RIT2: variants seen among roughly 807,000 people sequenced by gnomAD.
The protein encoded by RIT2 is GTP-binding protein Rit2.
A neutral mutation model predicts 23.7 loss-of-function variants in RIT2; 24 were observed. The observed-to-expected ratio is 1.01, with a 90% CI of 0.73 to 1.43. The LOEUF is 1.43. RIT2 is among the 40% of genes most tolerant of loss of function. The pLI, the probability that RIT2 is intolerant of heterozygous loss-of-function variation, is 0.00. For synonymous variants in RIT2, 107 were observed against 91.1 expected, an observed-to-expected ratio of 1.17 and a Z score of -0.99; for missense variants, 236 against 266.9, an observed-to-expected ratio of 0.88 and a Z score of 0.81.
At chr18:43,007,928 G>A (rs1212121069) in intron 2 of RIT2, among the ~76,000 whole-genome samples, 2 of 151,454 alleles carry the variant, frequency 1.3e-5, no homozygotes, top group Non-Finnish European at 3.0e-5. Flanking sequence ...GATAGAGTTG[G>A]GATATCACCA....
intron 1 of RIT2, among the ~76,000 whole-genome samples, chr18:43,082,195 G>A (rs1913173129): frequency 1.3e-5 from 2 of 152,152 alleles, no homozygotes; most frequent in South Asian, 2.1e-4. Context: ...GGTGTTTATA[G>A]TATTCTGTAA....
At chr18:43,064,105 A>G (rs796891314) in intron 1 of RIT2, among the ~76,000 whole-genome samples, 6 of 152,344 alleles carry the variant, frequency 3.9e-5, no homozygotes, top group African/African-American at 1.4e-4. Context: ...AAGGTCTGAT[A>G]AAGTAATAGA....
chr18:42,854,790 C>T (rs1319694444), intron 4 of RIT2, among the ~76,000 whole-genome samples: 2 of 152,154 alleles, frequency 1.3e-5, no homozygotes, highest in Non-Finnish European at 2.9e-5. Flanking sequence ...AAGACCTTGG[C>T]CTTACTGTAT....
At chr18:43,008,781 G>T (rs1369958364) in intron 2 of RIT2, among the ~76,000 whole-genome samples, 1 of 151,432 alleles carries the variant, frequency 6.6e-6, no homozygotes, top group African/African-American at 2.4e-5. Flanking sequence ...TTTTAAAAAG[G>T]TTGTAATAGC....
intron 4 of RIT2, among the ~76,000 whole-genome samples, chr18:42,814,545 C>T (rs1046448881): frequency 1.3e-5 from 2 of 152,162 alleles, no homozygotes; most frequent in African/African-American, 4.8e-5. Flanking sequence ...CCCCCATCCC[C>T]CACAGCAGGT....
chr18:42,841,394 T>C (rs749175238), intron 4 of RIT2, among the ~76,000 whole-genome samples: 1 of 152,162 alleles, frequency 6.6e-6, no homozygotes, highest in Non-Finnish European at 1.5e-5. Context: ...AATCATAAAA[T>C]GTTACTGCTT....
Position 42,743,583 on chromosome 18 carries a change from T to C in RIT2, c.564A>G (p.Pro188=), listed in dbSNP as rs1912845483. 6.2e-7 allele frequency: 1 copy of C among 1,613,950 alleles called. No individual in the cohort carries two copies. Among genetic ancestry groups the C allele is most frequent in the African/African-American group, 1.3e-5 (1 of 74,924 alleles). ...TCTTCAGTTTCTTTTCCATCAAGGA[T>C]GGCATGGACTCCTTCTTGCGAATTT... ...VREIRKKESM[P]SLMEKKLKRK... Residue 188 remains proline, a synonymous_variant, in exon 5 of 5, where the codon CCA becomes CCG. Transcript: ENST00000326695.
At chr18:43,079,340 G>A (rs1163073097) in intron 1 of RIT2, among the ~76,000 whole-genome samples, 1 of 152,090 alleles carries the variant, frequency 6.6e-6, no homozygotes, top group Non-Finnish European at 1.5e-5. Flanking sequence ...CAAAGACTGA[G>A]CAGACAAATC....
At chr18:42,825,766 A>C (rs570810979) in intron 4 of RIT2, among the ~76,000 whole-genome samples, 69 of 151,968 alleles carry the variant, frequency 4.5e-4, no homozygotes, top group African/African-American at 1.5e-3. Context: ...TAAATGGATC[A>C]AAAAAATATA....
chr18:42,891,874 A>G (rs974093869), intron 4 of RIT2, among the ~76,000 whole-genome samples: 5 of 152,132 alleles, frequency 3.3e-5, no homozygotes, highest in Non-Finnish European at 7.4e-5. Context: ...AGTGAATCCA[A>G]TTATAGGACA....
At chr18:43,058,990 A>G (rs760551267) in intron 1 of RIT2, among the ~76,000 whole-genome samples, 6 of 141,168 alleles carry the variant, frequency 4.3e-5, no homozygotes, top group Non-Finnish European at 8.1e-5. Flanking sequence ...CTTGCTTCCA[A>G]TCTTCAACAT....
At position 42,819,842 on chromosome 18, in the gene RIT2, G is replaced by A. The variant is rs111829502; in HGVS notation, c.427-76122C>T. On this transcript the variant is annotated intron_variant, in intron 4 of 4. Transcript: ENST00000326695. ...TCTATGTGATACTAATGTGGGTAGA[G>A]TACAGTAGTTACCATACCTGGTTAC... 1.3e-3 allele frequency among the ~76,000 whole-genome samples: 193 copies of A among 152,238 alleles called. 1 individual carries two copies. Among genetic ancestry groups the A allele is most frequent in the African/African-American group, 4.2e-3 (176 of 41,562 alleles).
At chr18:43,058,918 A>G (rs1333907072) in intron 1 of RIT2, among the ~76,000 whole-genome samples, 1 of 151,988 alleles carries the variant, frequency 6.6e-6, no homozygotes, top group Non-Finnish European at 1.5e-5. Context: ...TTATTTTTCA[A>G]TACATTGAAC....
At position 42,989,021 on chromosome 18, in the gene RIT2, A is replaced by G. The variant is rs73475470; in HGVS notation, c.161-14874T>C. ...TGTTCCCCAAGCTTGCTGAATATGA[A>G]GTTTTAATAAGTGAACCCCATTATA... is the stretch of plus-strand genomic sequence containing the variant. On this transcript the variant is annotated intron_variant, in intron 2 of 4. Coordinates refer to ENST00000326695, the MANE Select transcript of RIT2 (RefSeq NM_002930.4). Among the ~76,000 whole-genome samples the G allele has an allele frequency of 1.2e-3, 177 of 152,308 alleles. 1 individual carries two copies. The highest frequency in any genetic ancestry group is 4.1e-3 in the African/African-American group (171 of 41,584).
intron 4 of RIT2, among the ~76,000 whole-genome samples, chr18:42,845,732 G>A (rs1016663569): frequency 6.6e-6 from 1 of 150,950 alleles, no homozygotes; most frequent in Non-Finnish European, 1.5e-5. Flanking sequence ...AATTAAGCTA[G>A]AAATCATTAA....
intron 1 of RIT2, among the ~76,000 whole-genome samples, chr18:43,070,362 A>C (rs1337789724): frequency 6.6e-6 from 1 of 152,212 alleles, no homozygotes; most frequent in Admixed American, 6.5e-5. Flanking sequence ...TTCAGGAGAC[A>C]AAACCTATGG....
At chr18:42,764,146 G>A (rs1048741062) in intron 4 of RIT2, among the ~76,000 whole-genome samples, 8 of 152,172 alleles carry the variant, frequency 5.3e-5, no homozygotes, top group Admixed American at 5.2e-4. Flanking sequence ...AGAAATGACT[G>A]TTACACATGA....
At chr18:42,785,206 T>A (rs1913896164) in intron 4 of RIT2, among the ~76,000 whole-genome samples, 1 of 152,128 alleles carries the variant, frequency 6.6e-6, no homozygotes, top group Admixed American at 6.6e-5. Context: ...ATTTTTGAAT[T>A]TCTAAAAGAT....
At chr18:43,105,498 AAGGGAGGG>A (rs1356323189) in intron 1 of RIT2, among the ~76,000 whole-genome samples, 2 of 52,160 alleles carry the variant, frequency 3.8e-5, no homozygotes, top group South Asian at 6.7e-4. Context: ...GGGAGGAAGA[AAGGGAGGG>A]AGGGAGGGAG....
Sources: allele counts gnomAD v4.1 joint callset (sites outside exome capture counted in the v4.1 genomes callset), GRCh38; gene constraint gnomAD v4.1.1; transcripts MANE v1.5; gene names NCBI Gene and HGNC (gene_info 2026-07-23, HGNC 2026-07-21).